QTMAN: variants seen among roughly 807,000 people sequenced by gnomAD.
QTMAN encodes the protein queuosine-tRNA mannosyltransferase.
the QTMAN span, among the ~76,000 whole-genome samples, chr2:144,296,874 A>G: frequency 6.6e-6 from 1 of 152,210 alleles, no homozygotes; most frequent in African/African-American, 2.4e-5. Context: ...ACCAAGAAAA[A>G]GATGAAGAGA....
At chr2:144,218,333 T>A in the QTMAN span, among the ~76,000 whole-genome samples, 1 of 152,214 alleles carries the variant, frequency 6.6e-6, no homozygotes, top group Non-Finnish European at 1.5e-5. Context: ...TTCCATGCCA[T>A]GGCAAAGCAT....
the QTMAN span, among the ~76,000 whole-genome samples, chr2:144,082,808 T>C: frequency 2.6e-5 from 4 of 152,044 alleles, no homozygotes; most frequent in African/African-American, 9.7e-5. Context: ...TAACCTTTAG[T>C]CACAAAACAT....
chr2:143,972,062 T>C, the QTMAN span, among the ~76,000 whole-genome samples: 4,746 of 152,248 alleles, frequency 0.031, 244 homozygotes, highest in African/African-American at 0.11. Context: ...TAATAAAGAA[T>C]GCAATGGTGA....
At chr2:144,101,857 A>G in the QTMAN span, among the ~76,000 whole-genome samples, 1 of 152,044 alleles carries the variant, frequency 6.6e-6, no homozygotes, top group Non-Finnish European at 1.5e-5. Context: ...TATTCTTTCA[A>G]TCATCTTTTG....
At chr2:144,208,650 T>C in the QTMAN span, 1 of 1,613,916 alleles carries the variant, frequency 6.2e-7, no homozygotes, top group Non-Finnish European at 8.5e-7. Context: ...ATAAAGCAGA[T>C]GTCCGGGCTC....
chr2:144,092,230 C>T, the QTMAN span, among the ~76,000 whole-genome samples: 1 of 150,766 alleles, frequency 6.6e-6, no homozygotes, highest in Non-Finnish European at 1.5e-5. Flanking sequence ...GGCTGGAGTG[C>T]AGTGGCATGA....
chr2:143,986,883 G>C, the QTMAN span, among the ~76,000 whole-genome samples: 8 of 152,124 alleles, frequency 5.3e-5, no homozygotes, highest in Admixed American at 1.3e-4. Context: ...GATCAGGAGG[G>C]GAAAATTTTG....
At chr2:144,112,383 A>G in the QTMAN span, among the ~76,000 whole-genome samples, 1 of 152,200 alleles carries the variant, frequency 6.6e-6, no homozygotes, top group East Asian at 1.9e-4. Flanking sequence ...GAGAACTTTG[A>G]ACCTAAGGAA....
the QTMAN span, among the ~76,000 whole-genome samples, chr2:144,219,197 C>T: frequency 6.6e-6 from 1 of 152,130 alleles, no homozygotes; most frequent in Non-Finnish European, 1.5e-5. Flanking sequence ...ATGGCACCAT[C>T]TCGGCTCACT....
At chr2:144,172,028 A>C in the QTMAN span, among the ~76,000 whole-genome samples, 1 of 152,140 alleles carries the variant, frequency 6.6e-6, no homozygotes, top group South Asian at 2.1e-4. Flanking sequence ...TTCATGACAT[A>C]ATATGAAATT....
the QTMAN span, among the ~76,000 whole-genome samples, chr2:144,061,854 G>C: frequency 6.6e-6 from 1 of 152,114 alleles, no homozygotes; most frequent in Non-Finnish European, 1.5e-5. Context: ...GGAGGGAAGA[G>C]AGGAAGCGTC....
the QTMAN span, among the ~76,000 whole-genome samples, chr2:144,155,745 G>A: frequency 2.6e-5 from 4 of 152,140 alleles, no homozygotes; most frequent in South Asian, 2.1e-4. Context: ...CTCTTGAGGC[G>A]CAAGCCTGAG....
chr2:143,987,125 C>T, the QTMAN span, among the ~76,000 whole-genome samples: 1 of 152,124 alleles, frequency 6.6e-6, no homozygotes, highest in Non-Finnish European at 1.5e-5. Context: ...TTTAAAATGG[C>T]CTCCAGTTGT....
chr2:143,989,456 C>T, the QTMAN span, among the ~76,000 whole-genome samples: 1 of 152,058 alleles, frequency 6.6e-6, no homozygotes, highest in Non-Finnish European at 1.5e-5. Flanking sequence ...CCCAAAACAT[C>T]CATCTCCTCC....
chr2:144,107,911 C>T, the QTMAN span, among the ~76,000 whole-genome samples: 1 of 152,188 alleles, frequency 6.6e-6, no homozygotes, highest in South Asian at 2.1e-4. Context: ...CCCCCATGAT[C>T]AAGTGGGCTT....
chr2:144,001,096 C>T, the QTMAN span, among the ~76,000 whole-genome samples: 1 of 151,940 alleles, frequency 6.6e-6, no homozygotes, highest in East Asian at 1.9e-4. Context: ...TTTATTCTGA[C>T]CTGAAAAGCA....
the QTMAN span, among the ~76,000 whole-genome samples, chr2:144,031,861 A>T: frequency 6.6e-6 from 1 of 152,210 alleles, no homozygotes; most frequent in Middle Eastern, 3.4e-3. Context: ...GGTTCAAGCG[A>T]GTCTCCTGCC....
the QTMAN span, among the ~76,000 whole-genome samples, chr2:144,303,123 A>C: frequency 1.7e-3 from 257 of 152,322 alleles, 1 homozygote; most frequent in Middle Eastern, 0.01. Flanking sequence ...AAAAGAAAAG[A>C]AAAGCACCAC....
chr2:144,223,274 A>C, the QTMAN span, among the ~76,000 whole-genome samples: 1 of 152,094 alleles, frequency 6.6e-6, no homozygotes, highest in African/African-American at 2.4e-5. Flanking sequence ...ACAAAAAAAA[A>C]CTAATAAAAT....
Sources: allele counts gnomAD v4.1 joint callset (sites outside exome capture counted in the v4.1 genomes callset), GRCh38; gene constraint gnomAD v4.1.1; transcripts MANE v1.5; gene names NCBI Gene and HGNC (gene_info 2026-07-23, HGNC 2026-07-21).